BTRC: variants seen among roughly 807,000 people sequenced by gnomAD.
BTRC encodes the protein F-box/WD repeat-containing protein 1A.
A neutral mutation model predicts 85.5 loss-of-function variants in BTRC; 42 were observed. The ratio of observed to expected loss-of-function variants is 0.49; its 90% CI spans 0.38 to 0.64. BTRC has a LOEUF of 0.64. Among genes scored for constraint, BTRC ranks in the 30% least tolerant of loss-of-function variants. The probability of loss-of-function intolerance (pLI) is 0.00; values close to 1 mark genes in which losing one functional copy is unlikely to be tolerated. For missense variants in BTRC, 594 were observed against 743.5 expected, an observed-to-expected ratio of 0.80 and a Z score of 2.34; for synonymous variants, 255 against 263.3, an observed-to-expected ratio of 0.97 and a Z score of 0.30.
chr10:101,385,184 T>TGA (rs973246057), intron 1 of BTRC, among the ~76,000 whole-genome samples: 6 of 149,506 alleles, frequency 4.0e-5, no homozygotes, highest in Non-Finnish European at 8.9e-5. Flanking sequence ...GGACACAGAG[T>TGA]GAGATCCTGT....
At chr10:101,550,099 A>AGGT (rs2062626256) in intron 13 of BTRC, among the ~76,000 whole-genome samples, 1 of 152,132 alleles carries the variant, frequency 6.6e-6, no homozygotes, top group Non-Finnish European at 1.5e-5. Context: ...AAAACCAGGG[A>AGGT]GGTAGTAAGG....
intron 6 of BTRC, among the ~76,000 whole-genome samples, chr10:101,526,934 G>A (rs2062201044): frequency 1.3e-5 from 2 of 152,152 alleles, no homozygotes; most frequent in Non-Finnish European, 2.9e-5. Context: ...CAGTCTAAGA[G>A]ACTTCACTAA....
intron 1 of BTRC, among the ~76,000 whole-genome samples, chr10:101,403,745 C>T (rs1353498831): frequency 1.3e-5 from 2 of 151,814 alleles, no homozygotes; most frequent in Non-Finnish European, 2.9e-5. Context: ...AATGTGCCAC[C>T]AGGCTTGGCT....
intron 1 of BTRC, among the ~76,000 whole-genome samples, chr10:101,387,310 A>AT (rs922934920): frequency 1.4e-4 from 21 of 149,590 alleles, no homozygotes; most frequent in African/African-American, 3.2e-4. Flanking sequence ...TCAGTCATTT[A>AT]TTTTTTTTTG....
chr10:101,513,808 G>C (rs1332726353), intron 4 of BTRC, among the ~76,000 whole-genome samples: 3 of 152,082 alleles, frequency 2.0e-5, no homozygotes, highest in Admixed American at 6.5e-5. Context: ...GGAATTGCTG[G>C]GTTGTTTGGT....
intron 1 of BTRC, among the ~76,000 whole-genome samples, chr10:101,414,859 A>T (rs1943885834): frequency 6.6e-6 from 1 of 151,804 alleles, no homozygotes; most frequent in South Asian, 2.1e-4. Flanking sequence ...GCTGTACAAT[A>T]TGTTTGTGTT....
intron 4 of BTRC, among the ~76,000 whole-genome samples, chr10:101,510,799 A>G (rs1244096541): frequency 1.3e-5 from 2 of 152,114 alleles, no homozygotes; most frequent in Non-Finnish European, 2.9e-5. Context: ...TCAACAGGGG[A>G]TTTCTCCTCC....
At chr10:101,427,461 A>ATT (rs34459504) in intron 1 of BTRC, among the ~76,000 whole-genome samples, 6,613 of 122,906 alleles carry the variant, frequency 0.054, 265 homozygotes, top group Middle Eastern at 0.14. Flanking sequence ...TATGTTAAGG[A>ATT]TTTTTTTTTT....
chr10:101,513,118 T>A (rs1458837250), intron 4 of BTRC, among the ~76,000 whole-genome samples: 1 of 152,252 alleles, frequency 6.6e-6, no homozygotes, highest in Non-Finnish European at 1.5e-5. Flanking sequence ...GGAATTTTGC[T>A]GAATTTACTT....
chr10:101,486,781 A>G (rs571972046), intron 4 of BTRC, among the ~76,000 whole-genome samples: 32 of 152,304 alleles, frequency 2.1e-4, no homozygotes, highest in Admixed American at 1.8e-3. Flanking sequence ...TCTTTACAAC[A>G]TGAAATATAT....
intron 2 of BTRC, among the ~76,000 whole-genome samples, chr10:101,455,983 A>AACACACACACACACACAC (rs745628596): frequency 0.12 from 11,075 of 95,878 alleles, 1,195 homozygotes; most frequent in African/African-American, 0.18. Flanking sequence ...CTCTACTAAA[A>AACACACACACACACACAC]ACACACACAC....
At chr10:101,392,180 A>G (rs1943252358) in intron 1 of BTRC, among the ~76,000 whole-genome samples, 1 of 152,086 alleles carries the variant, frequency 6.6e-6, no homozygotes, top group Non-Finnish European at 1.5e-5. Context: ...GGGTTTCACC[A>G]TGTTGGTCAG....
intron 4 of BTRC, among the ~76,000 whole-genome samples, chr10:101,511,211 A>G (rs931311639): frequency 6.6e-6 from 1 of 151,932 alleles, no homozygotes; most frequent in African/African-American, 2.4e-5. Context: ...CCATTTTCTT[A>G]TTCATTCTGC....
At chr10:101,545,489 G>T (rs2062544631) in intron 13 of BTRC, among the ~76,000 whole-genome samples, 1 of 152,158 alleles carries the variant, frequency 6.6e-6, no homozygotes, top group African/African-American at 2.4e-5. Flanking sequence ...TGTATTTGGA[G>T]TTATAGGAGC....
intron 5 of BTRC, among the ~76,000 whole-genome samples, chr10:101,522,814 A>T (rs2062137374): frequency 6.6e-6 from 1 of 152,084 alleles, no homozygotes; most frequent in African/African-American, 2.4e-5. Flanking sequence ...CTGAGGTGTT[A>T]CCTGGTGTAA....
intron 1 of BTRC, among the ~76,000 whole-genome samples, chr10:101,380,769 A>G (rs1590222780): frequency 6.6e-6 from 1 of 152,330 alleles, no homozygotes; most frequent in Admixed American, 6.5e-5. Flanking sequence ...TGTCTTAACT[A>G]CAGTCATGCA....
chr10:101,494,422 A>G (rs1174677019), intron 4 of BTRC, among the ~76,000 whole-genome samples: 1 of 152,246 alleles, frequency 6.6e-6, no homozygotes, highest in East Asian at 1.9e-4. Context: ...TTATAGACAT[A>G]CTTTTTGAGG....
At chr10:101,540,140 G>T (rs2062444584) in intron 13 of BTRC, among the ~76,000 whole-genome samples, 1 of 152,144 alleles carries the variant, frequency 6.6e-6, no homozygotes, top group Non-Finnish European at 1.5e-5. Context: ...CTACTGCATT[G>T]ACTTTTTCTA....
chr10:101,377,629 C>G (rs924565387), intron 1 of BTRC, among the ~76,000 whole-genome samples: 10 of 152,114 alleles, frequency 6.6e-5, no homozygotes, highest in African/African-American at 2.4e-4. Flanking sequence ...CTAATGCATT[C>G]CTCGATTCTT....
Sources: allele counts gnomAD v4.1 joint callset (sites outside exome capture counted in the v4.1 genomes callset), GRCh38; gene constraint gnomAD v4.1.1; transcripts MANE v1.5; gene names NCBI Gene and HGNC (gene_info 2026-07-23, HGNC 2026-07-21).